Variants in SPECC1 observed in about 807,000 individuals in gnomAD.
The protein encoded by SPECC1 is sperm antigen with calponin homology and coiled-coil domains 1.
A neutral mutation model predicts 104.1 loss-of-function variants in SPECC1; 62 were observed. The observed-to-expected ratio is 0.60, with a 90% confidence interval of 0.49 to 0.74. The LOEUF is 0.74. Ranked by LOEUF, SPECC1 falls within the 30% of genes least tolerant of loss-of-function variation. SPECC1 has a pLI of 0.00. For missense variants in SPECC1, 1,306 were observed against 1,310.5 expected (o/e 1.00, Z 0.05); for synonymous variants, 513 against 501.6 (o/e 1.02, Z -0.30).
chr17:20,214,921 C>T (rs947212627), intron 4 of SPECC1, among the ~76,000 whole-genome samples: 17 of 152,328 alleles, frequency 1.1e-4, no homozygotes, highest in Non-Finnish European at 7.3e-5. Context: ...CATAGATCTC[C>T]AGCTTGTAGG....
In SPECC1 at chr17:20,247,214, G is replaced by T. The variant is rs548000247; in HGVS notation, c.2498-5G>T. The T allele has an allele frequency of 1.2e-6, 2 of 1,604,446 alleles. No individual in the cohort carries two copies. The highest frequency in any genetic ancestry group is 1.3e-5 in the African/African-American group (1 of 74,544). On this transcript the variant is annotated splice_polypyrimidine_tract_variant and splice_region_variant and intron_variant, in intron 8 of 14. Coordinates refer to ENST00000395527, the MANE Select transcript of SPECC1 (RefSeq NM_001243439.2). ...TATAAATGTTCCCATGTTTTTTCTTGGCAGGTGGAGCTGGACAGAATATTT... is the reference window on the plus strand; with the variant it reads ...TATAAATGTTCCCATGTTTTTTCTTTGCAGGTGGAGCTGGACAGAATATTT...
At chr17:20,215,543 A>C (rs917178708) in intron 4 of SPECC1, among the ~76,000 whole-genome samples, 2 of 152,224 alleles carry the variant, frequency 1.3e-5, no homozygotes, top group African/African-American at 2.4e-5. Flanking sequence ...CTCAGAACTT[A>C]TTATAGTGAT....
intron 1 of SPECC1, among the ~76,000 whole-genome samples, chr17:20,051,002 C>T (rs1407050986): frequency 1.3e-5 from 2 of 152,128 alleles, no homozygotes; most frequent in Non-Finnish European, 2.9e-5. Flanking sequence ...CTGAAAATAG[C>T]GTGCATGGAA....
At chr17:20,189,325 G>A (rs910171045) in intron 3 of SPECC1, among the ~76,000 whole-genome samples, 1 of 152,148 alleles carries the variant, frequency 6.6e-6, no homozygotes, top group Non-Finnish European at 1.5e-5. Context: ...CTACACAATG[G>A]GCAAGGAAGC....
chr17:20,018,688 A>C (rs1169712324), intron 1 of SPECC1, among the ~76,000 whole-genome samples: 1 of 152,260 alleles, frequency 6.6e-6, no homozygotes. Flanking sequence ...TACAAAGCAC[A>C]ATCAGCAAAG....
intron 2 of SPECC1, among the ~76,000 whole-genome samples, chr17:20,105,076 C>A (rs1054718431): frequency 5.9e-5 from 9 of 151,898 alleles, no homozygotes; most frequent in Middle Eastern, 3.2e-3. Context: ...TCTAGAGATA[C>A]GCCAACTGCT....
intron 7 of SPECC1, among the ~76,000 whole-genome samples, chr17:20,244,326 ATTTC>A (rs1345452919): frequency 1.6e-4 from 25 of 152,140 alleles, no homozygotes. Context: ...ACCTAACCTG[ATTTC>A]TTTTTCTTTC....
intron 3 of SPECC1, among the ~76,000 whole-genome samples, chr17:20,143,277 T>A (rs1422953014): frequency 1.3e-5 from 2 of 151,052 alleles, no homozygotes; most frequent in African/African-American, 2.4e-5. Context: ...TCCCAGCTAC[T>A]CAGGAGGCTG....
At chr17:20,259,488 A>T (rs2039949146) in intron 11 of SPECC1, among the ~76,000 whole-genome samples, 1 of 152,078 alleles carries the variant, frequency 6.6e-6, no homozygotes, top group Admixed American at 6.6e-5. Flanking sequence ...ATGCCCTTCC[A>T]ATGCACCTTT....
intron 12 of SPECC1, among the ~76,000 whole-genome samples, chr17:20,271,081 T>C (rs1379698238): frequency 6.6e-6 from 1 of 152,202 alleles, no homozygotes; most frequent in African/African-American, 2.4e-5. Flanking sequence ...GGTTTTCTTT[T>C]GGTTTTTATT....
At chr17:20,064,487 G>A (rs1301296273) in intron 1 of SPECC1, among the ~76,000 whole-genome samples, 1 of 152,210 alleles carries the variant, frequency 6.6e-6, no homozygotes. Flanking sequence ...CAGCCTGGGA[G>A]GGAAGCACAG....
Position 20,205,505 on chromosome 17 carries a change from A to G in SPECC1, c.1456A>G (p.Asn486Asp). Residue 486 changes from asparagine (N) to aspartate (D), a missense_variant, in exon 4 of 15, where the codon AAC becomes GAC. This residue lies in a region of SPECC1 where 1,177 missense variants were observed against 1,139.9 expected (regional missense o/e 1.03). Transcript: ENST00000395527. Reference sequence around the variant, plus strand: ...CCGCTTTGAAAGAGAGAAGCTACTCAACATTCAGCAGCAGTTGACCTGTAG... The same window carrying G: ...CCGCTTTGAAAGAGAGAAGCTACTCGACATTCAGCAGCAGTTGACCTGTAG... ...QGRFEREKLL[N>D]IQQQLTCSLR... is the part of the protein sequence containing the mutation. The G allele has an allele frequency of 3.7e-6, 6 of 1,614,228 alleles. No individual in the cohort carries two copies. Among genetic ancestry groups the G allele is most frequent in the Non-Finnish European group, 5.1e-6 (6 of 1,180,046 alleles).
At chr17:20,310,988 G>A (rs1332741544) in intron 14 of SPECC1, among the ~76,000 whole-genome samples, 1 of 152,142 alleles carries the variant, frequency 6.6e-6, no homozygotes, top group African/African-American at 2.4e-5. Context: ...GCTTATGAGC[G>A]GGAAAGGCAA....
intron 10 of SPECC1, among the ~76,000 whole-genome samples, chr17:20,255,065 ATTCT>A (rs1367894412): frequency 1.3e-5 from 2 of 152,190 alleles, no homozygotes; most frequent in Non-Finnish European, 2.9e-5. Context: ...AAGTCTCCTG[ATTCT>A]TTCTACCATG....
At chr17:20,114,252 C>T (rs1240696240) in intron 3 of SPECC1, among the ~76,000 whole-genome samples, 1 of 152,026 alleles carries the variant, frequency 6.6e-6, no homozygotes, top group Admixed American at 6.6e-5. Context: ...AGTGCAGTGG[C>T]GCAATCTTGG....
At chr17:20,136,521 C>T (rs2152554790) in intron 3 of SPECC1, among the ~76,000 whole-genome samples, 1 of 151,584 alleles carries the variant, frequency 6.6e-6, no homozygotes, top group Middle Eastern at 3.4e-3. Flanking sequence ...ACAAGTAAGA[C>T]AGTTTACTTA....
intron 3 of SPECC1, among the ~76,000 whole-genome samples, chr17:20,181,518 A>G (rs2034885420): frequency 6.6e-6 from 1 of 152,134 alleles, no homozygotes; most frequent in African/African-American, 2.4e-5. Context: ...TCCCCTCAAA[A>G]TATAAATTCA....
chr17:20,066,591 A>C (rs990344637), intron 1 of SPECC1, among the ~76,000 whole-genome samples: 2 of 152,160 alleles, frequency 1.3e-5, no homozygotes, highest in Admixed American at 1.3e-4. Flanking sequence ...ATCCAGGAGG[A>C]GAGTTCCTGC....
At chr17:20,141,259 C>T (rs531816455) in intron 3 of SPECC1, among the ~76,000 whole-genome samples, 1 of 152,202 alleles carries the variant, frequency 6.6e-6, no homozygotes, top group African/African-American at 2.4e-5. Context: ...CCTACCTATA[C>T]TGCTTCTCCT....
Sources: allele counts gnomAD v4.1 joint callset (sites outside exome capture counted in the v4.1 genomes callset), GRCh38; gene constraint gnomAD v4.1.1; regional missense constraint gnomAD v4.1.1; transcripts MANE v1.5; gene names NCBI Gene and HGNC (gene_info 2026-07-23, HGNC 2026-07-21).